COL4A4: variants seen among roughly 807,000 people sequenced by gnomAD.
COL4A4 encodes collagen alpha-4(IV) chain.
COL4A4 carries 105 observed loss-of-function variants against 192.9 expected under a neutral mutation model. The ratio of observed to expected loss-of-function variants is 0.54; its 90% CI spans 0.46 to 0.64. COL4A4 has a LOEUF of 0.64. Ranked by LOEUF, COL4A4 falls within the 30% of genes least tolerant of loss-of-function variation. The probability of loss-of-function intolerance (pLI) is 0.00; values close to 1 mark genes in which losing one functional copy is unlikely to be tolerated. For synonymous variants in COL4A4, 762 were observed against 769.9 expected, an observed-to-expected ratio of 0.99 and a Z score of 0.17; for missense variants, 1,967 against 2,169.3, an observed-to-expected ratio of 0.91 and a Z score of 1.85.
chr2:227,085,680 A>G (rs1385421558), intron 22 of COL4A4, among the ~76,000 whole-genome samples: 3 of 152,194 alleles, frequency 2.0e-5, no homozygotes, highest in Non-Finnish European at 1.5e-5. Context: ...TTGAACAACC[A>G]GATCTCCTGT....
chr2:227,119,267 C>G (rs1468731302), intron 6 of COL4A4, among the ~76,000 whole-genome samples: 3 of 151,894 alleles, frequency 2.0e-5, no homozygotes, highest in Middle Eastern at 3.4e-3. Context: ...AAGTGTTTTG[C>G]TCTGGGAGTT....
At chr2:227,147,811 G>C (rs1041279531) in intron 1 of COL4A4, among the ~76,000 whole-genome samples, 3 of 148,606 alleles carry the variant, frequency 2.0e-5, no homozygotes, top group Non-Finnish European at 4.5e-5. Flanking sequence ...AAAATTATGT[G>C]TATATATTAT....
the COL4A4 span, among the ~76,000 whole-genome samples, chr2:226,980,945 G>C: frequency 6.6e-6 from 1 of 152,168 alleles, no homozygotes; most frequent in Non-Finnish European, 1.5e-5. Context: ...CTCCGTAGCA[G>C]AGACCATTTT....
At chr2:226,991,369 T>C in the COL4A4 span, among the ~76,000 whole-genome samples, 137 of 152,000 alleles carry the variant, frequency 9.0e-4, 1 homozygote, top group African/African-American at 3.1e-3. Flanking sequence ...TTTAGTAGAG[T>C]CGGGGTTTCA....
chr2:227,119,552 T>C (rs1351847072), intron 6 of COL4A4, among the ~76,000 whole-genome samples: 1 of 148,588 alleles, frequency 6.7e-6, no homozygotes, highest in East Asian at 1.9e-4. Flanking sequence ...TTGTATAGTA[T>C]ACATACTATA....
intron 35 of COL4A4, among the ~76,000 whole-genome samples, chr2:227,045,830 A>T (rs1337100680): frequency 5.8e-5 from 3 of 51,370 alleles, no homozygotes; most frequent in African/African-American, 3.0e-4. Context: ...ATATATATAT[A>T]TACACACATA....
At chr2:227,162,880 G>C (rs977889597) in intron 1 of COL4A4, among the ~76,000 whole-genome samples, 13 of 152,232 alleles carry the variant, frequency 8.5e-5, no homozygotes, top group Admixed American at 8.5e-4. Context: ...AAAGAAGACT[G>C]TAAGATTCAT....
At chr2:226,979,844 C>T in the COL4A4 span, among the ~76,000 whole-genome samples, 35 of 152,328 alleles carry the variant, frequency 2.3e-4, no homozygotes, top group African/African-American at 7.7e-4. Context: ...ACCATCACAG[C>T]GGTTTAGGCA....
At chr2:226,982,820 G>A in the COL4A4 span, among the ~76,000 whole-genome samples, 2 of 152,198 alleles carry the variant, frequency 1.3e-5, no homozygotes, top group African/African-American at 4.8e-5. Flanking sequence ...GGGATCCAGA[G>A]GTGAATTCCC....
At chr2:227,017,245 G>A (rs547460053) in intron 44 of COL4A4, among the ~76,000 whole-genome samples, 6 of 152,316 alleles carry the variant, frequency 3.9e-5, no homozygotes, top group Admixed American at 6.5e-5. Flanking sequence ...ACGTTATCAC[G>A]TGGGCTTTAC....
chr2:226,977,635 G>C, the COL4A4 span, among the ~76,000 whole-genome samples: 3 of 152,274 alleles, frequency 2.0e-5, no homozygotes, highest in African/African-American at 7.2e-5. Context: ...AAGCATAATA[G>C]TTGTCATCCG....
chr2:226,993,815 C>T, the COL4A4 span, among the ~76,000 whole-genome samples: 4 of 152,208 alleles, frequency 2.6e-5, no homozygotes, highest in African/African-American at 4.8e-5. Context: ...ATTGAAAAGA[C>T]GGACTCCGTT....
chr2:227,012,952 G>C (rs1282772382), intron 44 of COL4A4, among the ~76,000 whole-genome samples: 4 of 152,202 alleles, frequency 2.6e-5, no homozygotes. Context: ...TCACAGAGCA[G>C]TCACATGTGG....
chr2:227,002,529 C>T (rs916272751), downstream of COL4A4, among the ~76,000 whole-genome samples: 10 of 152,132 alleles, frequency 6.6e-5, no homozygotes, highest in Admixed American at 3.9e-4. Flanking sequence ...CTCTTCTGCG[C>T]GCCATCACTG....
chr2:227,001,404 GCT>G, downstream of COL4A4, among the ~76,000 whole-genome samples: 1 of 152,104 alleles, frequency 6.6e-6, no homozygotes, highest in East Asian at 1.9e-4. Context: ...CCCCAAAATA[GCT>G]CTGTCCTCAT....
At chr2:227,090,573 AC>A (rs949612494) in intron 20 of COL4A4, among the ~76,000 whole-genome samples, 30 of 149,928 alleles carry the variant, frequency 2.0e-4, no homozygotes, top group African/African-American at 6.6e-4. Context: ...ACATGGTAAA[AC>A]CCCCCCCATC....
intron 12 of COL4A4, among the ~76,000 whole-genome samples, chr2:227,105,118 T>A (rs2060764151): frequency 6.6e-6 from 1 of 151,240 alleles, no homozygotes; most frequent in Admixed American, 6.6e-5. Flanking sequence ...AATTTTTAAA[T>A]AATTTTATAT....
rs561419617 is a variant in COL4A4 at position 227,052,083 on chromosome 2, C to T, written c.2968+222G>A. 8.6e-5 allele frequency among the ~76,000 whole-genome samples: 13 copies of T among 151,794 alleles called. No individual in the cohort carries two copies. The South Asian group carries it at 2.3e-3, about 27-fold the overall frequency. On this transcript the variant is annotated intron_variant, in intron 32 of 47. Coordinates refer to ENST00000396625, the MANE Select transcript of COL4A4 (RefSeq NM_000092.5). ...GCATGCGCCTGTAATTCCAGCTACTCGGGAGGCTGAGGCAGGAGAATCGCT... is the reference window on the plus strand; with the variant it reads ...GCATGCGCCTGTAATTCCAGCTACTTGGGAGGCTGAGGCAGGAGAATCGCT...
chr2:227,072,494 A>G (rs2058779028), intron 25 of COL4A4, among the ~76,000 whole-genome samples: 2 of 151,934 alleles, frequency 1.3e-5, no homozygotes, highest in South Asian at 4.1e-4. Flanking sequence ...AATTGGTACA[A>G]ATCCTACTGA....
Sources: allele counts gnomAD v4.1 joint callset (sites outside exome capture counted in the v4.1 genomes callset), GRCh38; gene constraint gnomAD v4.1.1; transcripts MANE v1.5; gene names NCBI Gene and HGNC (gene_info 2026-07-23, HGNC 2026-07-21).